The following XKRX variants were observed in gnomAD, a reference collection of about 807,000 sequenced individuals.
The protein encoded by XKRX is XK-related protein 2.
Under a neutral mutation model 22.4 loss-of-function variants are expected in XKRX, and 11 were observed. That is an observed-to-expected ratio of 0.49 (90% CI 0.31 to 0.81). XKRX has a LOEUF of 0.81. XKRX is among the 40% of genes least tolerant of loss of function. The pLI, the probability that XKRX is intolerant of heterozygous loss-of-function variation, is 0.05. For missense variants in XKRX, 320 were observed against 336.5 expected, an observed-to-expected ratio of 0.95 and a Z score of 0.38; for synonymous variants, 114 against 132.2, an observed-to-expected ratio of 0.86 and a Z score of 0.94.
the XKRX span, among the ~76,000 whole-genome samples, chrX:100,890,315 T>A: frequency 8.1e-5 from 9 of 110,788 alleles, no homozygotes; most frequent in Non-Finnish European, 1.3e-4. Context: ...TGAAAGTAAT[T>A]GTCAGACTGA....
the XKRX span, among the ~76,000 whole-genome samples, chrX:100,949,759 T>C: frequency 9.0e-6 from 1 of 111,518 alleles, no homozygotes; most frequent in African/African-American, 3.3e-5. Flanking sequence ...AAAATCTCAA[T>C]ATGAATGAGA....
the XKRX span, among the ~76,000 whole-genome samples, chrX:100,904,058 T>A: frequency 9.0e-6 from 1 of 111,351 alleles, no homozygotes; most frequent in African/African-American, 3.3e-5. Flanking sequence ...AACAAAGAGG[T>A]TGACGCTACC....
chrX:100,917,674 A>AAAGAAAGAAAGAAAAGAAAGAAAG (rs34196882), intron 2 of XKRX, among the ~76,000 whole-genome samples: 6 of 25,411 alleles, frequency 2.4e-4, no homozygotes, highest in African/African-American at 5.3e-4. Flanking sequence ...AGAAAGAAAG[A>AAAGAAAGAAAGAAAAGAAAGAAAG]AAAGAAAGAA....
rs1195478359 is a variant in XKRX, at chrX:100,914,141, C to A, written c.*197G>T. 4.2e-6 allele frequency: 2 copies of A among 479,190 alleles called. No homozygotes were observed. Among genetic ancestry groups the A allele is most frequent in the Non-Finnish European group, 3.6e-6 (1 of 281,431 alleles). 39.5% of individuals were successfully genotyped at this position (479,190 alleles called of 1,213,427 possible). On this transcript the variant is annotated 3_prime_UTR_variant, in exon 3 of 3. Transcript: ENST00000372956. The stretch of plus-strand genomic sequence containing the variant: ...ACCCTTTCAACTATATAGTCGATAC[C>A]CCCTGTTTCCAAACATAGTGGTAAC...
At chrX:100,887,973 C>A in the XKRX span, 2 of 1,057,362 alleles carry the variant, frequency 1.9e-6, no homozygotes, top group East Asian at 3.0e-5. Flanking sequence ...ACAGAAACCA[C>A]CTCCACAACC....
At chrX:100,939,378 A>G in the XKRX span, among the ~76,000 whole-genome samples, 2 of 112,349 alleles carry the variant, frequency 1.8e-5, no homozygotes, top group Non-Finnish European at 3.8e-5. Context: ...TAAAGCAGAA[A>G]GAAGATTTTG....
the XKRX span, among the ~76,000 whole-genome samples, chrX:100,945,806 CAAAAA>C: frequency 6.3e-5 from 2 of 31,844 alleles, no homozygotes; most frequent in African/African-American, 2.2e-4. Flanking sequence ...ATTCTGTCTC[CAAAAA>C]AAAAAAAAAA....
In XKRX at chrX:100,928,740, CAA is replaced by C. The variant is rs767545928; in HGVS notation, c.-438_-437del. On this transcript the variant is annotated 5_prime_UTR_variant, in exon 1 of 3. Coordinates refer to ENST00000372956, the MANE Select transcript of XKRX (RefSeq NM_212559.3). ...GGCACCGACACTCAGCAGCTCCTCACAAAGAGTCCTGACCAGTGTGTCCTCTC... is the reference window on the plus strand; with the variant it reads ...GGCACCGACACTCAGCAGCTCCTCACAGAGTCCTGACCAGTGTGTCCTCTC... 534 of 769,513 alleles carry C rather than the reference CAA, an allele frequency of 6.9e-4. No homozygotes were observed. The highest frequency in any genetic ancestry group is 1.9e-3 in the African/African-American group (84 of 43,749). 63.4% of individuals were successfully genotyped at this position (769,513 alleles called of 1,213,427 possible).
the XKRX span, among the ~76,000 whole-genome samples, chrX:100,951,137 G>A: frequency 9.3e-6 from 1 of 107,027 alleles, no homozygotes; most frequent in Non-Finnish European, 1.9e-5. Flanking sequence ...GGGAGGCTAG[G>A]GCAGGAGAAT....
At chrX:100,902,852 G>A in the XKRX span, among the ~76,000 whole-genome samples, 1 of 108,993 alleles carries the variant, frequency 9.2e-6, no homozygotes, top group Non-Finnish European at 1.9e-5. Context: ...CAGGGTTCAC[G>A]CCATTCTCCT....
the XKRX span, among the ~76,000 whole-genome samples, chrX:100,951,503 AGTACC>A: frequency 9.1e-6 from 1 of 110,440 alleles, no homozygotes; most frequent in African/African-American, 3.3e-5. Flanking sequence ...AAATAATCTA[AGTACC>A]CATCTCACCT....
At chrX:100,895,341 T>A in the XKRX span, among the ~76,000 whole-genome samples, 1 of 112,448 alleles carries the variant, frequency 8.9e-6, no homozygotes, top group Non-Finnish European at 1.9e-5. Context: ...TCATCCTAAT[T>A]TCAGAGGTGA....
the XKRX span, chrX:100,957,290 T>TCCC: frequency 2.3e-5 from 23 of 1,007,844 alleles, no homozygotes; most frequent in Middle Eastern, 5.0e-4. Context: ...GAGAAGATGT[T>TCCC]CATCTTTGTC....
chrX:100,887,544 C>T, the XKRX span: 1 of 484,658 alleles, frequency 2.1e-6, no homozygotes, highest in East Asian at 4.0e-5. Flanking sequence ...CCTGTCACCA[C>T]TGTGCTTGGC....
At chrX:100,891,167 A>G in the XKRX span, among the ~76,000 whole-genome samples, 1 of 111,694 alleles carries the variant, frequency 9.0e-6, no homozygotes. Context: ...GCTCATCACT[A>G]TTTAAAAATT....
At chrX:100,946,782 A>T in the XKRX span, among the ~76,000 whole-genome samples, 2 of 111,740 alleles carry the variant, frequency 1.8e-5, no homozygotes, top group African/African-American at 6.5e-5. Context: ...CCTGCCAGGG[A>T]TCTCCACTGC....
chrX:100,936,920 C>G, the XKRX span, among the ~76,000 whole-genome samples: 1 of 108,693 alleles, frequency 9.2e-6, no homozygotes, highest in Admixed American at 9.9e-5. Flanking sequence ...TGGGTGGAGA[C>G]ACAGAGCCAA....
At chrX:100,897,591 A>ATGTGTGTGTGTG in the XKRX span, among the ~76,000 whole-genome samples, 1 of 40,171 alleles carries the variant, frequency 2.5e-5, no homozygotes, top group Non-Finnish European at 4.3e-5. Flanking sequence ...ACAAATATAT[A>ATGTGTGTGTGTG]TATGTGTGTG....
the XKRX span, among the ~76,000 whole-genome samples, chrX:100,908,204 C>T: frequency 9.3e-6 from 1 of 107,020 alleles, no homozygotes; most frequent in African/African-American, 3.4e-5. Flanking sequence ...CTCACTGCAA[C>T]CTCCTGGGCT....
Sources: gnomAD v4.1 joint callset for allele counts (sites outside exome capture counted in the v4.1 genomes callset) on GRCh38, gnomAD v4.1.1 for gene constraint, MANE v1.5 for transcripts, NCBI Gene and HGNC (gene_info 2026-07-23, HGNC 2026-07-21) for gene names.